Variants in TENM4 observed in about 807,000 individuals in gnomAD.
TENM4 encodes the protein teneurin transmembrane protein 4.
A neutral mutation model predicts 243.3 loss-of-function variants in TENM4; 82 were observed. That is an observed-to-expected ratio of 0.34 (90% CI 0.28 to 0.40). The LOEUF is 0.40. Among genes scored for constraint, TENM4 ranks in the 10% least tolerant of loss-of-function variants. TENM4 has a pLI of 1.00. For missense variants in TENM4, 3,138 were observed against 3,673.3 expected, an observed-to-expected ratio of 0.85 and a Z score of 3.77; for synonymous variants, 1,412 against 1,456.3, an observed-to-expected ratio of 0.97 and a Z score of 0.69.
At chr11:79,376,800 C>T (rs894405755) in intron 1 of TENM4, among the ~76,000 whole-genome samples, 2 of 152,152 alleles carry the variant, frequency 1.3e-5, no homozygotes, top group South Asian at 4.1e-4. Context: ...CTCAGCCCCT[C>T]CTCCTTCCTC....
At chr11:78,897,903 C>T (rs1855835384) in intron 7 of TENM4, among the ~76,000 whole-genome samples, 1 of 152,150 alleles carries the variant, frequency 6.6e-6, no homozygotes, top group African/African-American at 2.4e-5. Context: ...ACAAAATGGA[C>T]CCCAGGCTTC....
At chr11:79,035,039 T>C (rs2136872977) in intron 6 of TENM4, among the ~76,000 whole-genome samples, 1 of 152,312 alleles carries the variant, frequency 6.6e-6, no homozygotes, top group Admixed American at 6.5e-5. Context: ...CTCTAGAACA[T>C]GCAAGGACAT....
intron 23 of TENM4, among the ~76,000 whole-genome samples, chr11:78,724,743 G>A (rs2135852264): frequency 6.6e-6 from 1 of 152,330 alleles, no homozygotes; most frequent in Middle Eastern, 3.4e-3. Context: ...CTACATCCAC[G>A]ACTAAGTTCT....
chr11:79,205,220 T>C (rs1446479603), intron 3 of TENM4, among the ~76,000 whole-genome samples: 1 of 152,226 alleles, frequency 6.6e-6, no homozygotes, highest in Non-Finnish European at 1.5e-5. Flanking sequence ...AGGTCCCTTT[T>C]ACACTCTGCC....
chr11:79,422,255 AC>A (rs1368632412), intron 1 of TENM4: 14 of 133,696 alleles, frequency 1.0e-4, no homozygotes, highest in Middle Eastern at 2.8e-3. Flanking sequence ...TCTTACACAC[AC>A]ACACACACAC....
At chr11:78,754,458 T>C (rs1054739893) in intron 19 of TENM4, among the ~76,000 whole-genome samples, 1 of 152,104 alleles carries the variant, frequency 6.6e-6, no homozygotes, top group Non-Finnish European at 1.5e-5. Context: ...CTGCTGGCAT[T>C]GATCAGGCTG....
chr11:78,967,346 G>A (rs765944205), intron 6 of TENM4, among the ~76,000 whole-genome samples: 12 of 152,242 alleles, frequency 7.9e-5, no homozygotes, highest in Non-Finnish European at 1.5e-4. Context: ...AGGAAGGAAG[G>A]AGAGTACCTT....
chr11:78,967,905 G>T (rs995152193), intron 6 of TENM4, among the ~76,000 whole-genome samples: 4 of 152,216 alleles, frequency 2.6e-5, no homozygotes, highest in Non-Finnish European at 5.9e-5. Context: ...GATGGAGAAA[G>T]AAGGAAACAA....
intron 6 of TENM4, among the ~76,000 whole-genome samples, chr11:79,009,812 T>C (rs1858595499): frequency 6.6e-6 from 1 of 152,206 alleles, no homozygotes; most frequent in African/African-American, 2.4e-5. Context: ...AATTTCTTTA[T>C]ATTCCAGTGA....
chr11:78,712,681 T>C lies in TENM4; in HGVS notation c.3855A>G (p.Thr1285=), dbSNP rs1348172806. Residue 1285 remains threonine (T), a synonymous_variant, in exon 26 of 34, where the codon ACA becomes ACG. Coordinates refer to ENST00000278550, the MANE Select transcript of TENM4 (RefSeq NM_001098816.3). ...GGAAGACGGCCCCACTCATGGGGTCTGTGGCCAGGTAGTATTTGTGTGCTG... is the reference window on the plus strand; with the variant it reads ...GGAAGACGGCCCCACTCATGGGGTCCGTGGCCAGGTAGTATTTGTGTGCTG... The part of the protein sequence containing the change: ...HSPAHKYYLA[T]DPMSGAVFLS... The C allele has an allele frequency of 6.2e-7, 1 of 1,614,056 alleles. No individual in the cohort carries two copies. The highest frequency in any genetic ancestry group is 8.5e-7 in the Non-Finnish European group (1 of 1,179,896).
intron 2 of TENM4, among the ~76,000 whole-genome samples, chr11:79,244,073 A>C (rs1024689300): frequency 6.6e-6 from 1 of 152,180 alleles, no homozygotes; most frequent in Non-Finnish European, 1.5e-5. Flanking sequence ...AAACCTTAGC[A>C]AGCAACAGAA....
chr11:79,221,348 T>TG, intron 2 of TENM4, among the ~76,000 whole-genome samples: 1 of 14,130 alleles, frequency 7.1e-5, no homozygotes, highest in East Asian at 4.1e-3. Flanking sequence ...AGAATATGGA[T>TG]TTTTTTTAAG....
intron 29 of TENM4, among the ~76,000 whole-genome samples, chr11:78,684,907 C>T (rs1223041750): frequency 6.6e-6 from 1 of 152,148 alleles, no homozygotes; most frequent in African/African-American, 2.4e-5. Flanking sequence ...TAAATTTTTG[C>T]TGGATGAAAC....
At chr11:79,381,051 T>C (rs903243017) in intron 1 of TENM4, among the ~76,000 whole-genome samples, 2 of 152,048 alleles carry the variant, frequency 1.3e-5, no homozygotes, top group Non-Finnish European at 2.9e-5. Flanking sequence ...CAGGCCTCTC[T>C]AGATCCTCCG....
chr11:79,389,702 A>G (rs483189), intron 1 of TENM4, among the ~76,000 whole-genome samples: 1 of 152,232 alleles, frequency 6.6e-6, no homozygotes, highest in Non-Finnish European at 1.5e-5. Flanking sequence ...GCAAACTCCA[A>G]TTTGAACTCC....
rs763375008 is a variant in TENM4 at position 79,069,922 on chromosome 11, G to A, written c.23C>T (p.Pro8Leu). The A allele has an allele frequency of 7.8e-6, 12 of 1,546,882 alleles. No individual in the cohort carries two copies. The highest frequency in any genetic ancestry group is 1.0e-5 in the Non-Finnish European group (12 of 1,146,574). Residue 8 changes from proline to leucine, a missense_variant, in exon 5 of 34, where the codon CCT (proline) becomes CTT (leucine). Coordinates refer to ENST00000278550, the MANE Select transcript of TENM4 (RefSeq NM_001098816.3). ...GCGGCGCCGGGTCAGCGAGCGGTAA[G>A]GCTTCCTCTCCTTCACGTCCATGGC... MDVKERK[P>L]YRSLTRRRDA... is the part of the protein sequence containing the mutation.
chr11:78,757,086 G>A lies in TENM4; in HGVS notation c.2540-65C>T, dbSNP rs888361888. ...TCAATCAGCCATGTTTATCCAGAATGCCTTAATTCATTTCTTCTCTATTTT... is the reference window on the plus strand; with the variant it reads ...TCAATCAGCCATGTTTATCCAGAATACCTTAATTCATTTCTTCTCTATTTT... On this transcript the variant is annotated intron_variant, in intron 18 of 33. Coordinates refer to ENST00000278550, the MANE Select transcript of TENM4 (RefSeq NM_001098816.3). 1.4e-5 allele frequency: 21 copies of A among 1,464,634 alleles called. No individual in the cohort carries two copies. In the Middle Eastern group the frequency reaches 5.3e-4, roughly 37 times the overall value. The allele number at this position is 1,464,634 out of a possible 1,614,324, so 90.7% of individuals were successfully genotyped here. A position where few individuals can be genotyped will look rare whatever the true frequency, so the allele number is the denominator to read the frequency against.
rs181792361 is a variant in TENM4 at position 78,843,822 on chromosome 11, C to T, written c.1681+10282G>A. ...CATAAAGTCCTGAGGACAGAAAGAGCCTTCCTTAGCCAGGTACCTGGCAGT... is the reference window on the plus strand; with the variant it reads ...CATAAAGTCCTGAGGACAGAAAGAGTCTTCCTTAGCCAGGTACCTGGCAGT... On this transcript the variant is annotated intron_variant, in intron 12 of 33. Transcript: ENST00000278550. 8.5e-5 allele frequency among the ~76,000 whole-genome samples: 13 copies of T among 152,350 alleles called. No homozygotes were observed. In the East Asian group the frequency reaches 2.5e-3, roughly 29 times the overall value.
rs563791370 is a variant in TENM4 at position 78,973,580 on chromosome 11, T to C, written c.494-70057A>G. On this transcript the variant is annotated intron_variant, in intron 6 of 33. Transcript: ENST00000278550. ...TTTTTTTCCCCAAGAATTTGTTTTG[T>C]GCTTACTCTGTCAGGCAGTGTTCTA... is the stretch of plus-strand genomic sequence containing the variant. Among the ~76,000 whole-genome samples the C allele has an allele frequency of 1.4e-4, 21 of 152,244 alleles. 1 individual carries two copies. The South Asian group carries it at 3.5e-3, about 26-fold the overall frequency.
Sources: allele counts gnomAD v4.1 joint callset (sites outside exome capture counted in the v4.1 genomes callset), GRCh38; gene constraint gnomAD v4.1.1; transcripts MANE v1.5; gene names NCBI Gene and HGNC (gene_info 2026-07-23, HGNC 2026-07-21).